The following XKR4 variants were observed in gnomAD, a reference collection of about 807,000 sequenced individuals.
The protein encoded by XKR4 is XK related 4.
A neutral mutation model predicts 53.9 loss-of-function variants in XKR4; 12 were observed. That is an observed-to-expected ratio of 0.22 (90% CI 0.14 to 0.36). The LOEUF (loss-of-function observed/expected upper bound fraction) is 0.36, where lower values mean the gene tolerates loss of function less well. XKR4 is among the 10% of genes least tolerant of loss of function. The probability of loss-of-function intolerance (pLI) is 1.00; values close to 1 mark genes in which losing one functional copy is unlikely to be tolerated. For synonymous variants in XKR4, 354 were observed against 362.4 expected, an observed-to-expected ratio of 0.98 and a Z score of 0.26; for missense variants, 799 against 859.5, an observed-to-expected ratio of 0.93 and a Z score of 0.88.
intron 1 of XKR4, among the ~76,000 whole-genome samples, chr8:55,345,339 A>G (rs1803620681): frequency 6.6e-6 from 1 of 152,186 alleles, no homozygotes; most frequent in Admixed American, 6.5e-5. Context: ...GGAAATAAAT[A>G]AAAATAAGCC....
At chr8:55,361,182 A>G (rs1803898581) in intron 2 of XKR4, among the ~76,000 whole-genome samples, 2 of 152,196 alleles carry the variant, frequency 1.3e-5, no homozygotes, top group Admixed American at 1.3e-4. Context: ...GGTAGTGCTC[A>G]CTGTACTTCC....
At chr8:55,311,846 A>G (rs1160307640) in intron 1 of XKR4, among the ~76,000 whole-genome samples, 2 of 136,518 alleles carry the variant, frequency 1.5e-5, no homozygotes, top group Admixed American at 7.2e-5. Flanking sequence ...AAAAAAAAAA[A>G]AAAAAGAAAA....
intron 1 of XKR4, among the ~76,000 whole-genome samples, chr8:55,162,284 T>C (rs929771584): frequency 6.6e-6 from 1 of 152,230 alleles, no homozygotes; most frequent in Non-Finnish European, 1.5e-5. Context: ...TTTGTCTCTG[T>C]GTCCTTGACA....
chr8:55,262,139 C>G (rs1427278455), intron 1 of XKR4, among the ~76,000 whole-genome samples: 1 of 152,078 alleles, frequency 6.6e-6, no homozygotes, highest in Non-Finnish European at 1.5e-5. Flanking sequence ...ATTTTATGGA[C>G]ATTAACAAAT....
intron 2 of XKR4, among the ~76,000 whole-genome samples, chr8:55,410,874 A>C (rs2622537): frequency 0.64 from 97,342 of 151,918 alleles, 31,571 homozygotes; most frequent in African/African-American, 0.73. Context: ...CTGTTCCCCA[A>C]CCTGGGCTCC....
chr8:55,222,432 T>A (rs1466820121), intron 1 of XKR4, among the ~76,000 whole-genome samples: 2 of 152,238 alleles, frequency 1.3e-5, no homozygotes, highest in Non-Finnish European at 2.9e-5. Flanking sequence ...CATATTCCAA[T>A]AAAGCCACTG....
rs555369534 is a variant in XKR4, at chr8:55,113,997, T to C, written c.806+10703T>C. 1.6e-3 allele frequency among the ~76,000 whole-genome samples: 242 copies of C among 152,332 alleles called. 1 individual carries two copies. The highest frequency in any genetic ancestry group is 6.9e-3 in the Admixed American group (106 of 15,290). ...TACTGATGGGCATTTAGGTTGATTC[T>C]ATACCTTTGCTATTGTGAATGGTGC... On this transcript the variant is annotated intron_variant, in intron 1 of 2. Transcript: ENST00000327381.
chr8:55,522,176 G>A (rs975811044), intron 2 of XKR4, among the ~76,000 whole-genome samples: 2 of 152,222 alleles, frequency 1.3e-5, no homozygotes, highest in African/African-American at 2.4e-5. Context: ...CATACAGGAG[G>A]TGGAACAAGA....
At chr8:55,263,539 A>G (rs945113422) in intron 1 of XKR4, among the ~76,000 whole-genome samples, 19 of 152,250 alleles carry the variant, frequency 1.2e-4, no homozygotes, top group Non-Finnish European at 2.4e-4. Flanking sequence ...AAGCTGAAAT[A>G]GCATGCGTAT....
chr8:55,453,312 CAA>C (rs1805487502), intron 2 of XKR4: 9 of 482,354 alleles, frequency 1.9e-5, no homozygotes, highest in South Asian at 1.4e-4. Context: ...ATACTGATGA[CAA>C]AGTCAAACTG....
chr8:55,225,125 C>G (rs16921446), intron 1 of XKR4, among the ~76,000 whole-genome samples: 2 of 152,022 alleles, frequency 1.3e-5, no homozygotes, highest in Non-Finnish European at 1.5e-5. Context: ...TGTCTCACTT[C>G]GTATTTATGC....
At chr8:55,330,003 A>G (rs1165511397) in intron 1 of XKR4, among the ~76,000 whole-genome samples, 1 of 152,250 alleles carries the variant, frequency 6.6e-6, no homozygotes, top group Non-Finnish European at 1.5e-5. Flanking sequence ...TTCTAGGATT[A>G]TGTGAACAAA....
At chr8:55,447,469 A>G (rs183706657) in intron 2 of XKR4, among the ~76,000 whole-genome samples, 3 of 152,106 alleles carry the variant, frequency 2.0e-5, no homozygotes, top group Non-Finnish European at 4.4e-5. Context: ...GAAAGGAAAG[A>G]CCCCACATAA....
intron 2 of XKR4, among the ~76,000 whole-genome samples, chr8:55,446,822 G>A (rs780578066): frequency 2.4e-4 from 37 of 152,148 alleles, no homozygotes; most frequent in Non-Finnish European, 5.4e-4. Flanking sequence ...GTTATCCAAG[G>A]AAATAGCCAC....
intron 2 of XKR4, among the ~76,000 whole-genome samples, chr8:55,504,623 G>A (rs186682168): frequency 1.2e-4 from 19 of 152,198 alleles, no homozygotes; most frequent in African/African-American, 3.6e-4. Flanking sequence ...TATTTGAGAA[G>A]GATTTATGGT....
At chr8:55,381,950 G>A (rs1418115009) in intron 2 of XKR4, among the ~76,000 whole-genome samples, 1 of 152,236 alleles carries the variant, frequency 6.6e-6, no homozygotes, top group Non-Finnish European at 1.5e-5. Flanking sequence ...ACTAAGGGGA[G>A]AGGCCACATC....
intron 2 of XKR4, among the ~76,000 whole-genome samples, chr8:55,411,487 T>G (rs181611367): frequency 1.3e-5 from 2 of 152,320 alleles, no homozygotes; most frequent in East Asian, 3.9e-4. Context: ...GAAAAGGTGG[T>G]CAAATCCAAG....
intron 1 of XKR4, among the ~76,000 whole-genome samples, chr8:55,160,294 G>A (rs1481628884): frequency 6.6e-6 from 1 of 152,210 alleles, no homozygotes; most frequent in African/African-American, 2.4e-5. Flanking sequence ...TGTATGCAAG[G>A]AGTGTTTAAA....
intron 1 of XKR4, among the ~76,000 whole-genome samples, chr8:55,173,913 T>C (rs1300858003): frequency 1.3e-5 from 2 of 152,204 alleles, no homozygotes; most frequent in African/African-American, 4.8e-5. Context: ...TTGCATGAAG[T>C]ATTTATAAAA....
Sources: gnomAD v4.1 joint callset for allele counts (sites outside exome capture counted in the v4.1 genomes callset) on GRCh38, gnomAD v4.1.1 for gene constraint, MANE v1.5 for transcripts, NCBI Gene and HGNC (gene_info 2026-07-23, HGNC 2026-07-21) for gene names.